The following COL21A1 variants were observed in gnomAD, a reference collection of about 807,000 sequenced individuals.
COL21A1 encodes the protein collagen type XXI alpha 1 chain.
COL21A1 carries 149 observed loss-of-function variants against 137.9 expected under a neutral mutation model. The observed-to-expected ratio is 1.08, with a 90% confidence interval of 0.95 to 1.24. The LOEUF (loss-of-function observed/expected upper bound fraction) is 1.24. COL21A1 is among the 50% of genes most tolerant of loss of function. COL21A1 has a pLI of 0.00. For synonymous variants in COL21A1, 456 were observed against 391.5 expected (o/e 1.16, Z -1.95); for missense variants, 1,167 against 1,158.4 (o/e 1.01, Z -0.11).
At chr6:56,331,438 C>A (rs989732163) in intron 1 of COL21A1, among the ~76,000 whole-genome samples, 1 of 151,968 alleles carries the variant, frequency 6.6e-6, no homozygotes, top group African/African-American at 2.4e-5. Context: ...ATTAATCCAT[C>A]TTGAGTTAAT....
intron 1 of COL21A1, among the ~76,000 whole-genome samples, chr6:56,377,714 C>G (rs1461878790): frequency 6.6e-6 from 1 of 152,094 alleles, no homozygotes; most frequent in South Asian, 2.1e-4. Context: ...TGAGGAGGCA[C>G]ACAACCTACT....
chr6:56,168,054 G>A lies in COL21A1; in HGVS notation c.1200+70C>T. 3.7e-6 allele frequency: 4 copies of A among 1,078,340 alleles called. No homozygotes were observed. The South Asian group carries it at 1.0e-4, about 27-fold the overall frequency. The allele number at this position is 1,078,340 out of a possible 1,614,324, so 66.8% of individuals were successfully genotyped here. Reference sequence around the variant, plus strand: ...TATGTTAAATATGATTAAATGTGGTGAAAACTATTACAAAGGACAGCAAAA... The same window carrying A: ...TATGTTAAATATGATTAAATGTGGTAAAAACTATTACAAAGGACAGCAAAA... On this transcript the variant is annotated intron_variant, in intron 6 of 29. Coordinates refer to ENST00000244728, the MANE Select transcript of COL21A1 (RefSeq NM_030820.4).
At chr6:56,288,246 A>AAG (rs1331621943) in intron 1 of COL21A1, among the ~76,000 whole-genome samples, 3 of 115,550 alleles carry the variant, frequency 2.6e-5, no homozygotes, top group Non-Finnish European at 5.2e-5. Flanking sequence ...CATTTTAAAA[A>AAG]AATAAAAGAA....
At chr6:56,348,613 C>T (rs183302455) in intron 1 of COL21A1, among the ~76,000 whole-genome samples, 5 of 152,248 alleles carry the variant, frequency 3.3e-5, no homozygotes, top group Admixed American at 3.3e-4. Context: ...GGGGAGACGA[C>T]AACTTGCTGG....
intron 10 of COL21A1, among the ~76,000 whole-genome samples, chr6:56,149,168 G>C (rs754847497): frequency 6.6e-6 from 1 of 151,868 alleles, no homozygotes; most frequent in Non-Finnish European, 1.5e-5. Flanking sequence ...AAATCTTTTT[G>C]GATCTTCATG....
At chr6:56,171,526 C>T (rs1038350818) in intron 3 of COL21A1, among the ~76,000 whole-genome samples, 3 of 151,926 alleles carry the variant, frequency 2.0e-5, no homozygotes, top group Middle Eastern at 3.2e-3. Flanking sequence ...AGTCATACAA[C>T]TTTGGATAAT....
intron 1 of COL21A1, among the ~76,000 whole-genome samples, chr6:56,262,128 C>T (rs965186324): frequency 6.6e-6 from 1 of 152,144 alleles, no homozygotes; most frequent in African/African-American, 2.4e-5. Context: ...TATCCCTAGG[C>T]TTTCAAATAT....
rs184054357 is a variant in COL21A1 at position 56,276,942 on chromosome 6, G to A, written c.-38-94286C>T. 1,301 of 359,874 alleles carry A rather than the reference G, an allele frequency of 3.6e-3. 18 individuals carry two copies. Among genetic ancestry groups the A allele is most frequent in the African/African-American group, 0.025 (1,168 of 46,522 alleles). The allele number at this position is 359,874 out of a possible 1,614,324, so 22.3% of individuals were successfully genotyped here. A position where few individuals can be genotyped will look rare whatever the true frequency, so the allele number is the denominator to read the frequency against. On this transcript the variant is annotated intron_variant, in intron 1 of 28. Transcript: ENST00000370819. The stretch of plus-strand genomic sequence containing the variant: ...ACTGCCTCAGCCTCCCGAGTAGCTG[G>A]GACTACAGGCGCATGCCGCCACGCC...
At chr6:56,226,970 C>A (rs1781242352) in intron 1 of COL21A1, among the ~76,000 whole-genome samples, 1 of 151,800 alleles carries the variant, frequency 6.6e-6, no homozygotes, top group African/African-American at 2.4e-5. Flanking sequence ...GTATAATGGA[C>A]TTTGAATCGC....
chr6:56,167,043 C>T (rs1776638928), intron 6 of COL21A1, 60 bp from the exon 7 acceptor site: 2 of 1,161,364 alleles, frequency 1.7e-6, no homozygotes, highest in Admixed American at 1.9e-5. Context: ...TTTATAAGAG[C>T]AACTCAGATA....
intron 1 of COL21A1, among the ~76,000 whole-genome samples, chr6:56,186,433 A>G (rs1313661334): frequency 1.3e-5 from 2 of 152,208 alleles, no homozygotes. Flanking sequence ...TCCTTCTTAA[A>G]TCAGTAAGTA....
chr6:56,293,211 A>G (rs1764092489), intron 1 of COL21A1, among the ~76,000 whole-genome samples: 1 of 152,184 alleles, frequency 6.6e-6, no homozygotes, highest in African/African-American at 2.4e-5. Context: ...AATAAAATTA[A>G]GTAATGTAAA....
chr6:56,098,722 T>G (rs868441578), intron 17 of COL21A1, among the ~76,000 whole-genome samples: 2 of 113,660 alleles, frequency 1.8e-5, no homozygotes, highest in Non-Finnish European at 3.4e-5. Context: ...TATATAAATA[T>G]ATATATATTT....
intron 20 of COL21A1, among the ~76,000 whole-genome samples, chr6:56,072,945 A>G (rs1766884140): frequency 6.6e-6 from 1 of 151,550 alleles, no homozygotes; most frequent in African/African-American, 2.4e-5. Context: ...AAAAATAAAC[A>G]AACTGTGATA....
intron 1 of COL21A1, among the ~76,000 whole-genome samples, chr6:56,256,778 C>T (rs1444133211): frequency 2.0e-5 from 3 of 152,042 alleles, no homozygotes; most frequent in African/African-American, 7.2e-5. Context: ...CGCAGTCCCA[C>T]ATGTGAGTGA....
intron 7 of COL21A1, among the ~76,000 whole-genome samples, chr6:56,165,929 C>T (rs1776549286): frequency 6.6e-6 from 1 of 152,026 alleles, no homozygotes; most frequent in South Asian, 2.1e-4. Flanking sequence ...CACACACACA[C>T]ACACACACAC....
chr6:56,333,335 G>A (rs1765272118), intron 1 of COL21A1, among the ~76,000 whole-genome samples: 1 of 118,864 alleles, frequency 8.4e-6, no homozygotes, highest in African/African-American at 3.3e-5. Context: ...TATACTTCCT[G>A]TCATCATAGA....
intron 17 of COL21A1, among the ~76,000 whole-genome samples, chr6:56,082,111 CA>C (rs900330100): frequency 6.6e-6 from 1 of 151,742 alleles, no homozygotes; most frequent in Admixed American, 6.6e-5. Context: ...CAGGACAAGA[CA>C]AAATCTCAAA....
At chr6:56,128,737 C>A (rs1051099766) in intron 12 of COL21A1, among the ~76,000 whole-genome samples, 4 of 152,176 alleles carry the variant, frequency 2.6e-5, no homozygotes, top group African/African-American at 9.7e-5. Context: ...TCACTGCAAC[C>A]TCTGCCCCCC....
Sources: allele counts gnomAD v4.1 joint callset (sites outside exome capture counted in the v4.1 genomes callset), GRCh38; gene constraint gnomAD v4.1.1; transcripts MANE v1.5; gene names NCBI Gene and HGNC (gene_info 2026-07-23, HGNC 2026-07-21).